ARGLU1: variants seen among roughly 807,000 people sequenced by gnomAD.
ARGLU1 encodes arginine and glutamate-rich protein 1.
A neutral mutation model predicts 37.6 loss-of-function variants in ARGLU1; 9 were observed. That is an observed-to-expected ratio of 0.24 (90% CI 0.14 to 0.42). ARGLU1 has a LOEUF of 0.42. Among genes scored for constraint, ARGLU1 ranks in the 10% least tolerant of loss-of-function variants. ARGLU1 has a pLI of 1.00. For synonymous variants in ARGLU1, 166 were observed against 138.5 expected (o/e 1.20, Z -1.39); for missense variants, 211 against 359.2 (o/e 0.59, Z 3.34).
intron 1 of ARGLU1, among the ~76,000 whole-genome samples, chr13:106,565,564 T>C (rs1880939720): frequency 6.6e-6 from 1 of 152,260 alleles, no homozygotes; most frequent in Admixed American, 6.5e-5. Context: ...CTGGCACTTA[T>C]TAAATGCTCA....
In ARGLU1 at chr13:106,557,142, G is replaced by A. The variant is rs763115779; in HGVS notation, c.574-11C>T. The stretch of plus-strand genomic sequence containing the variant: ...TGCACGTTCTTCCTCCTAAAGGGGA[G>A]GATATGTTAAGATATTAGAAAAACA... On this transcript the variant is annotated splice_polypyrimidine_tract_variant and intron_variant, in intron 2 of 3. Coordinates refer to ENST00000400198, the MANE Select transcript of ARGLU1 (RefSeq NM_018011.4). This position sits in a 1 kb window ranked among gnomAD's most constrained non-coding sequence, Gnocchi z 5.0. The A allele has an allele frequency of 1.9e-6, 3 of 1,602,558 alleles. No homozygotes were observed. The highest frequency in any genetic ancestry group is 2.6e-6 in the Non-Finnish European group (3 of 1,170,200).
chr13:106,555,572 C>T (rs575317048), intron 3 of ARGLU1, among the ~76,000 whole-genome samples: 21 of 152,026 alleles, frequency 1.4e-4, no homozygotes, highest in African/African-American at 4.6e-4. Flanking sequence ...TTGTATTTTG[C>T]GAAAGTAGAG....
Position 106,543,421 on chromosome 13 carries a change from C to G in ARGLU1, c.*575G>C, listed in dbSNP as rs1422523999. 6.6e-6 allele frequency: 1 copy of G among 152,316 alleles called. No homozygotes were observed. Among genetic ancestry groups the G allele is most frequent in the Non-Finnish European group, 1.5e-5 (1 of 67,930 alleles). 9.4% of individuals were successfully genotyped at this position (152,316 alleles called of 1,614,324 possible). A position where few individuals can be genotyped will look rare whatever the true frequency, so the allele number is the denominator to read the frequency against. On this transcript the variant is annotated 3_prime_UTR_variant, in exon 4 of 4. Transcript: ENST00000400198. The stretch of plus-strand genomic sequence containing the variant: ...GTCAATGAAATAAAAACAAAATGAA[C>G]AGAGACAATACTGAACTGTATATAT...
intron 3 of ARGLU1, among the ~76,000 whole-genome samples, chr13:106,549,158 C>G (rs1880471214): frequency 6.6e-6 from 1 of 152,204 alleles, no homozygotes; most frequent in Non-Finnish European, 1.5e-5. Flanking sequence ...TAGTTCTTAG[C>G]AACAGTCCCT....
intron 1 of ARGLU1, among the ~76,000 whole-genome samples, chr13:106,562,104 A>C (rs1197845476): frequency 6.6e-6 from 1 of 152,224 alleles, no homozygotes. Flanking sequence ...ACTGCAAGGC[A>C]TCCCAATATG....
chr13:106,554,690 G>A (rs190133615), intron 3 of ARGLU1, among the ~76,000 whole-genome samples: 33 of 152,092 alleles, frequency 2.2e-4, no homozygotes, highest in Non-Finnish European at 3.7e-4. Context: ...TTTGAGACCA[G>A]CCTGGCCAAC....
chr13:106,548,274 T>C (rs1170951076), intron 3 of ARGLU1, among the ~76,000 whole-genome samples: 2 of 152,174 alleles, frequency 1.3e-5, no homozygotes, highest in Non-Finnish European at 2.9e-5. Context: ...ATCCACCACT[T>C]GTAAGTGTGG....
intron 3 of ARGLU1, among the ~76,000 whole-genome samples, chr13:106,551,572 C>T (rs780727700): frequency 6.6e-6 from 1 of 152,192 alleles, no homozygotes. Context: ...ACCACTTCCA[C>T]ATTTTTAGGT....
Position 106,543,852 on chromosome 13 carries a change from A to T in ARGLU1, c.*144T>A. 1.6e-6 allele frequency: 1 copy of T among 643,850 alleles called. No individual in the cohort carries two copies. The highest frequency in any genetic ancestry group is 2.5e-6 in the Non-Finnish European group (1 of 406,350). The allele number at this position is 643,850 out of a possible 1,614,324, so 39.9% of individuals were successfully genotyped here. A position where few individuals can be genotyped will look rare whatever the true frequency, so the allele number is the denominator to read the frequency against. Reference sequence around the variant, plus strand: ...AAAAAAAAAAAAAAAAGGGAATTGCAGAGCATAGCCCCTATTAGAACAAGC... The same window carrying T: ...AAAAAAAAAAAAAAAAGGGAATTGCTGAGCATAGCCCCTATTAGAACAAGC... On this transcript the variant is annotated 3_prime_UTR_variant, in exon 4 of 4. Coordinates refer to ENST00000400198, the MANE Select transcript of ARGLU1 (RefSeq NM_018011.4).
intron 3 of ARGLU1, among the ~76,000 whole-genome samples, chr13:106,556,382 T>C (rs1459861566): frequency 1.3e-5 from 2 of 152,224 alleles, no homozygotes; most frequent in African/African-American, 4.8e-5. Flanking sequence ...AACTGCCCCG[T>C]ATTAACTTTT....
rs571027010 is a variant in ARGLU1 at position 106,556,775 on chromosome 13, A to G, written c.657+273T>C. ...GTTTTTTAGGCATAGGAGAATGTGA[A>G]TGAGGTTAGGAAAGAAAAAACTGGG... On this transcript the variant is annotated intron_variant, in intron 3 of 3. Coordinates refer to ENST00000400198, the MANE Select transcript of ARGLU1 (RefSeq NM_018011.4). Among the ~76,000 whole-genome samples the G allele has an allele frequency of 3.3e-5, 5 of 152,310 alleles. No individual in the cohort carries two copies. In the East Asian group the frequency reaches 9.7e-4, roughly 29 times the overall value.
Position 106,567,808 on chromosome 13 carries a change from G to T in ARGLU1, c.112C>A (p.Arg38=). ...RSRSRDKERV[R]KRSKSRESKR... ...CTTTCCCGAGATTTGGAACGCTTCCGCACGCGCTCCTTGTCCCGGGATCGC... is the reference window on the plus strand; with the variant it reads ...CTTTCCCGAGATTTGGAACGCTTCCTCACGCGCTCCTTGTCCCGGGATCGC... The change falls in exon 1 of 4, where the codon CGG becomes AGG. Residue 38 remains arginine (R), a synonymous_variant. Transcript: ENST00000400198. This position sits in a 1 kb window ranked among gnomAD's most constrained non-coding sequence, Gnocchi z 4.3. The T allele has an allele frequency of 6.2e-7, 1 of 1,613,598 alleles. No individual in the cohort carries two copies. The highest frequency in any genetic ancestry group is 8.5e-7 in the Non-Finnish European group (1 of 1,179,822).
At chr13:106,553,757 T>G (rs1302042675) in intron 3 of ARGLU1, among the ~76,000 whole-genome samples, 1 of 152,252 alleles carries the variant, frequency 6.6e-6, no homozygotes, top group African/African-American at 2.4e-5. Flanking sequence ...GAAGTTAGTC[T>G]TCTTTACTGA....
chr13:106,561,652 G>A (rs547115380), intron 1 of ARGLU1, among the ~76,000 whole-genome samples: 78 of 152,268 alleles, frequency 5.1e-4, no homozygotes, highest in African/African-American at 1.9e-3. Flanking sequence ...GTAGAAAGAA[G>A]GCCCTAGGAG....
intron 1 of ARGLU1, among the ~76,000 whole-genome samples, chr13:106,560,297 A>AAATATATT (rs563415336): frequency 8.3e-4 from 127 of 152,308 alleles, no homozygotes; most frequent in African/African-American, 2.9e-3. Context: ...AAGTGGGTAA[A>AAATATATT]AATATATTTT....
intron 1 of ARGLU1, among the ~76,000 whole-genome samples, chr13:106,564,018 G>C (rs1281937116): frequency 2.0e-5 from 3 of 152,182 alleles, no homozygotes; most frequent in African/African-American, 4.8e-5. Context: ...TCTCAAAAGA[G>C]CATTTAAGAA....
chr13:106,549,754 TG>T (rs1316169836), intron 3 of ARGLU1, among the ~76,000 whole-genome samples: 1 of 152,220 alleles, frequency 6.6e-6, no homozygotes, highest in Non-Finnish European at 1.5e-5. Context: ...AAATCATTTT[TG>T]AAACTTCAAC....
Position 106,557,852 on chromosome 13 carries a change from T to C in ARGLU1, c.574-721A>G, listed in dbSNP as rs570963972. ...TTCATGGAACTACGGGCTTCTTCCATGGGGAAAATGGACTTAACATTCAGA... is the reference window on the plus strand; with the variant it reads ...TTCATGGAACTACGGGCTTCTTCCACGGGGAAAATGGACTTAACATTCAGA... On this transcript the variant is annotated intron_variant, in intron 2 of 3. Coordinates refer to ENST00000400198, the MANE Select transcript of ARGLU1 (RefSeq NM_018011.4). This position sits in a 1 kb window ranked among gnomAD's most constrained non-coding sequence, Gnocchi z 5.0. The C allele has an allele frequency of 1.0e-6, 1 of 985,432 alleles. No individual in the cohort carries two copies. The highest frequency in any genetic ancestry group is 1.2e-6 in the Non-Finnish European group (1 of 829,922). The allele number at this position is 985,432 out of a possible 1,614,324, so 61.0% of individuals were successfully genotyped here. A position where few individuals can be genotyped will look rare whatever the true frequency, so the allele number is the denominator to read the frequency against.
intron 3 of ARGLU1, among the ~76,000 whole-genome samples, chr13:106,550,291 T>C (rs1234246218): frequency 6.6e-6 from 1 of 152,194 alleles, no homozygotes; most frequent in African/African-American, 2.4e-5. Context: ...AGTGGCTTCG[T>C]GTTTCCAATT....
Sources: gnomAD v4.1 joint callset for allele counts (sites outside exome capture counted in the v4.1 genomes callset) on GRCh38, gnomAD v4.1.1 for gene constraint, Gnocchi (gnomAD v3.1) non-coding constraint, MANE v1.5 for transcripts, NCBI Gene and HGNC (gene_info 2026-07-23, HGNC 2026-07-21) for gene names.